Variants in TARDBP observed in about 807,000 individuals in gnomAD.
TARDBP encodes the protein TAR DNA binding protein, also known as TAR DNA-binding protein 43.
TARDBP carries 4 observed loss-of-function variants against 38.3 expected under a neutral mutation model. The ratio of observed to expected loss-of-function variants is 0.10; its 90% CI spans 0.05 to 0.24. TARDBP has a LOEUF of 0.24. Ranked by LOEUF, TARDBP falls within the 10% of genes least tolerant of loss-of-function variation. TARDBP has a pLI of 1.00. For missense variants in TARDBP, 202 were observed against 521.9 expected, an observed-to-expected ratio of 0.39 and a Z score of 5.97; for synonymous variants, 184 against 183.8, an observed-to-expected ratio of 1.00 and a Z score of -0.01.
downstream of TARDBP, chr1:11,029,632 A>ATTTTT (rs150850538): frequency 2.1e-5 from 1 of 48,550 alleles, no homozygotes; most frequent in Non-Finnish European, 5.4e-5. Context: ...AATTTTTAAA[A>ATTTTT]TCTTTTTTTT....
chr1:11,025,394 G>A lies in TARDBP; in HGVS notation c.*2740G>A, dbSNP rs566658679. 2.8e-4 allele frequency: 42 copies of A among 152,192 alleles called. No homozygotes were observed. In the East Asian group the frequency reaches 7.9e-3, roughly 29 times the overall value. 9.4% of individuals were successfully genotyped at this position (152,192 alleles called of 1,614,324 possible). On this transcript the variant is annotated 3_prime_UTR_variant, in exon 6 of 6. Coordinates refer to ENST00000240185, the MANE Select transcript of TARDBP (RefSeq NM_007375.4). The stretch of plus-strand genomic sequence containing the variant: ...AGTTTAAAAGTACTTAAACTATTTG[G>A]CAAAGATTTGTTTTTAAAAATCTAT...
chr1:11,028,226 AAGG>A (rs1177465939), downstream of TARDBP, among the ~76,000 whole-genome samples: 1 of 152,166 alleles, frequency 6.6e-6, no homozygotes, highest in East Asian at 1.9e-4. Context: ...TCAAAAAAAA[AAGG>A]AGATTAGGAA....
chr1:11,022,185 A>G lies in TARDBP; in HGVS notation c.776A>G (p.Asn259Ser), dbSNP rs1341842598. The change falls in exon 6 of 6, where the codon AAT (asparagine) becomes AGT (serine). Residue 259 changes from asparagine to serine, a missense_variant. Physicochemically the swap from Asn to Ser is conservative, Grantham distance 46. This residue lies in a region of TARDBP where 12 missense variants were observed against 97.3 expected (regional missense o/e 0.12). Coordinates refer to ENST00000240185, the MANE Select transcript of TARDBP (RefSeq NM_007375.4). The surrounding 1 kb of genome is among the most constrained non-coding windows in gnomAD (Gnocchi z 4.5). ...IIKGISVHIS[N>S]AEPKHNSNRQ... ...AAAGGAATCAGCGTTCATATATCCA[A>G]TGCCGAACCTAAGCACAATAGCAAT... The G allele has an allele frequency of 7.4e-6, 12 of 1,613,880 alleles. No individual in the cohort carries two copies. The highest frequency in any genetic ancestry group is 2.2e-5 in the East Asian group (1 of 44,898).
rs528823983 is a variant in TARDBP at position 11,017,082 on chromosome 1, A to G, written c.402+75A>G. 31 of 1,509,460 alleles carry G rather than the reference A, an allele frequency of 2.1e-5. No individual in the cohort carries two copies. In the African/African-American group the frequency reaches 3.8e-4, roughly 19 times the overall value. The allele number at this position is 1,509,460 out of a possible 1,614,324, so 93.5% of individuals were successfully genotyped here. Reference sequence around the variant, plus strand: ...CTAGCATTTATTTATTGGTATAAATAGAGATGGGGTATCACTATGTTCCCT... The same window carrying G: ...CTAGCATTTATTTATTGGTATAAATGGAGATGGGGTATCACTATGTTCCCT... On this transcript the variant is annotated intron_variant, in intron 3 of 5. Transcript: ENST00000240185.
Position 11,020,506 on chromosome 1 carries a change from G to C in TARDBP, c.621G>C (p.Leu207=), listed in dbSNP as rs1643615821. The part of the protein sequence containing the change: ...RCTEDMTEDE[L]REFFSQYGDV... ...CAGAGGACATGACTGAGGATGAGCT[G>C]CGGGAGTTCTTCTCTCAGTACGGGG... The change falls in exon 5 of 6, where the codon CTG becomes CTC. Residue 207 remains leucine, a synonymous_variant. Transcript: ENST00000240185. The C allele has an allele frequency of 6.2e-7, 1 of 1,613,910 alleles. No homozygotes were observed. The highest frequency in any genetic ancestry group is 1.1e-5 in the South Asian group (1 of 91,078).
chr1:11,015,475 C>T (rs1005578179), intron 2 of TARDBP: 2 of 151,570 alleles, frequency 1.3e-5, no homozygotes, highest in Non-Finnish European at 1.5e-5. Flanking sequence ...CAGAGCGAGA[C>T]ACCGTCTCAA....
At chr1:11,016,652 G>C (rs1643531185) in intron 2 of TARDBP, among the ~76,000 whole-genome samples, 192 bp from the exon 3 acceptor site, 1 of 152,212 alleles carries the variant, frequency 6.6e-6, no homozygotes, top group African/African-American at 2.4e-5. Context: ...ATTTGCACCA[G>C]AAAAGCACCT....
chr1:11,013,420 C>G (rs1056174852), intron 1 of TARDBP, among the ~76,000 whole-genome samples: 1 of 145,934 alleles, frequency 6.9e-6, no homozygotes, highest in Non-Finnish European at 1.5e-5. Flanking sequence ...CTTGCATACC[C>G]TAGCTTGTAA....
downstream of TARDBP, chr1:11,027,084 AAGCCAGC>A (rs1279035241): frequency 6.3e-7 from 1 of 1,598,434 alleles, no homozygotes; most frequent in African/African-American, 1.3e-5. Context: ...CCCACTTTCT[AAGCCAGC>A]ACAAAGCATG....
intron 1 of TARDBP, among the ~76,000 whole-genome samples, chr1:11,013,014 T>C (rs1051893472): frequency 2.6e-4 from 40 of 152,174 alleles, no homozygotes; most frequent in African/African-American, 9.6e-4. Flanking sequence ...GAGCCTTCGG[T>C]ACTTTGTACT....
At chr1:11,029,224 T>A (rs564181167), downstream of TARDBP, among the ~76,000 whole-genome samples, 1 of 151,814 alleles carries the variant, frequency 6.6e-6, no homozygotes, top group South Asian at 2.1e-4. Flanking sequence ...ATGGTCTCGA[T>A]CTCCTGACCT....
At chr1:11,020,379 A>G in intron 4 of TARDBP, 50 bp from the exon 5 acceptor site, 1 of 1,609,728 alleles carries the variant, frequency 6.2e-7, no homozygotes, top group Non-Finnish European at 8.5e-7. Context: ...TGTTTTTTTC[A>G]TTGTTCATAA....
At chr1:11,019,610 G>C in intron 4 of TARDBP, among the ~76,000 whole-genome samples, 1 of 151,782 alleles carries the variant, frequency 6.6e-6, no homozygotes, top group East Asian at 1.9e-4. Flanking sequence ...TCTGTCATCC[G>C]GGCTGGAGTG....
chr1:11,012,945 CG>C (rs1261598020), intron 1 of TARDBP, among the ~76,000 whole-genome samples: 1 of 151,896 alleles, frequency 6.6e-6, no homozygotes, highest in Non-Finnish European at 1.5e-5. Context: ...AACGGGGGGC[CG>C]GGCCCGCGGT....
chr1:11,014,372 T>G (rs1643473317), intron 2 of TARDBP, among the ~76,000 whole-genome samples: 1 of 152,202 alleles, frequency 6.6e-6, no homozygotes, highest in African/African-American at 2.4e-5. Flanking sequence ...AGCAAACAGT[T>G]GGAGTAGCCA....
chr1:11,020,855 A>G (rs1177797699), intron 5 of TARDBP, among the ~76,000 whole-genome samples: 1 of 152,000 alleles, frequency 6.6e-6, no homozygotes, highest in African/African-American at 2.4e-5. Flanking sequence ...CGGAGGTGGC[A>G]GTGAACTGAG....
At chr1:11,030,199 T>G (rs766624914), downstream of TARDBP, 4 of 1,613,450 alleles carry the variant, frequency 2.5e-6, no homozygotes, top group Non-Finnish European at 3.4e-6. Context: ...TGGGAGTGAT[T>G]TTTCTCCTTT....
downstream of TARDBP, chr1:11,027,296 A>T (rs1282890386): frequency 6.2e-7 from 1 of 1,613,820 alleles, no homozygotes; most frequent in African/African-American, 1.3e-5. Context: ...GCAGACAAAT[A>T]GGCGTGATGT....
In TARDBP at chr1:11,024,810, A is replaced by G. The variant is rs1232569646; in HGVS notation, c.*2156A>G. On this transcript the variant is annotated 3_prime_UTR_variant, in exon 6 of 6. Transcript: ENST00000240185. Reference sequence around the variant, plus strand: ...AGCAATAACATTGATTCTCTGTTGTACTTTTTTGTAACTAATTCTGTGAGA... The same window carrying G: ...AGCAATAACATTGATTCTCTGTTGTGCTTTTTTGTAACTAATTCTGTGAGA... 2.0e-5 allele frequency: 3 copies of G among 152,658 alleles called. No homozygotes were observed. The highest frequency in any genetic ancestry group is 7.2e-5 in the African/African-American group (3 of 41,448). The allele number at this position is 152,658 out of a possible 1,614,324, so 9.5% of individuals were successfully genotyped here.
Sources: allele counts gnomAD v4.1 joint callset (sites outside exome capture counted in the v4.1 genomes callset), GRCh38; gene constraint gnomAD v4.1.1; regional missense constraint gnomAD v4.1.1; non-coding constraint Gnocchi (gnomAD v3.1); transcripts MANE v1.5; gene names NCBI Gene and HGNC (gene_info 2026-07-23, HGNC 2026-07-21).